The following MPP3 variants were observed in gnomAD, a reference collection of about 807,000 sequenced individuals.
MPP3 encodes MAGUK p55 scaffold protein 3, also known as MAGUK p55 subfamily member 3.
MPP3 carries 48 observed loss-of-function variants against 80.7 expected under a neutral mutation model. The observed-to-expected ratio is 0.59, with a 90% CI of 0.47 to 0.76. The LOEUF (loss-of-function observed/expected upper bound fraction) is 0.76, where lower values mean the gene tolerates loss of function less well. Ranked by LOEUF, MPP3 falls within the 30% of genes least tolerant of loss-of-function variation. The pLI, the probability that MPP3 is intolerant of heterozygous loss-of-function variation, is 0.00. For missense variants in MPP3, 620 were observed against 763.0 expected, an observed-to-expected ratio of 0.81 and a Z score of 2.21; for synonymous variants, 311 against 297.6, an observed-to-expected ratio of 1.04 and a Z score of -0.46.
chr17:43,809,125 T>C, intron 18 of MPP3, 47 bp from the exon 19 acceptor site: 1 of 1,540,618 alleles, frequency 6.5e-7, no homozygotes, highest in South Asian at 1.3e-5. Context: ...AAGTGTTTTG[T>C]TGTGAAATAG....
chr17:43,827,611 C>A, intron 8 of MPP3, 140 bp downstream of exon 8: 2 of 740,872 alleles, frequency 2.7e-6, no homozygotes, highest in Non-Finnish European at 4.4e-6. Context: ...AGAATTCCAG[C>A]CACAACCCCA....
chr17:43,801,594 G>A lies in MPP3; in HGVS notation c.*107C>T. ...ACTCTTCTCGATGATGGAATTTGTG[G>A]AGAATTCTCTCCCTCTCTGCGCTTG... On this transcript the variant is annotated 3_prime_UTR_variant, in exon 20 of 20. Transcript: ENST00000398389. The A allele has an allele frequency of 9.0e-7, 1 of 1,106,458 alleles. No individual in the cohort carries two copies. Among genetic ancestry groups the A allele is most frequent in the Non-Finnish European group, 1.3e-6 (1 of 751,144 alleles). 68.5% of individuals were successfully genotyped at this position (1,106,458 alleles called of 1,614,324 possible).
At chr17:43,808,375 C>A (rs2044709290) in intron 19 of MPP3, among the ~76,000 whole-genome samples, 1 of 152,210 alleles carries the variant, frequency 6.6e-6, no homozygotes, top group Non-Finnish European at 1.5e-5. Context: ...CAAGCCCACA[C>A]CTCCTGGAAG....
At chr17:43,815,700 C>T (rs994277236) in intron 14 of MPP3, 5 of 489,984 alleles carry the variant, frequency 1.0e-5, no homozygotes, top group South Asian at 1.9e-5. Context: ...TCTGGAGAGC[C>T]GCAAACACCC....
In MPP3 at chr17:43,827,744, C is replaced by T. The variant is rs765278886; in HGVS notation, c.523+7G>A. The T allele has an allele frequency of 4.3e-6, 7 of 1,610,116 alleles. No individual in the cohort carries two copies. In the East Asian group the frequency reaches 1.6e-4, roughly 36 times the overall value. On this transcript the variant is annotated splice_region_variant and intron_variant, in intron 8 of 19. Coordinates refer to ENST00000398389, the MANE Select transcript of MPP3 (RefSeq NM_001932.6). ...GGCTGGGCCAGCTTTGCACTGCCGC[C>T]ACTCACCGCTCCTGTCTGCTGCGCC...
At chr17:43,809,284 G>T (rs1221480751) in intron 18 of MPP3, among the ~76,000 whole-genome samples, 1 of 152,114 alleles carries the variant, frequency 6.6e-6, no homozygotes, top group East Asian at 1.9e-4. Flanking sequence ...ACTCAGCGGG[G>T]CCCTGAAGTC....
At chr17:43,829,232 C>T (rs916061900) in intron 7 of MPP3, among the ~76,000 whole-genome samples, 2 of 152,234 alleles carry the variant, frequency 1.3e-5, no homozygotes, top group African/African-American at 4.8e-5. Flanking sequence ...GCCAGCCACA[C>T]AGTCTCTGTC....
In MPP3 at chr17:43,820,639, C is replaced by CAT. The variant is rs1555587157; in HGVS notation, c.881+221_881+222dup. ...ACACACACACACACACACACACACA[C>CAT]ATTAACTTAATAACATAAATTTCCA... On this transcript the variant is annotated intron_variant, in intron 11 of 19. Transcript: ENST00000398389. 5.7e-3 allele frequency among the ~76,000 whole-genome samples: 832 copies of CAT among 144,908 alleles called. 11 individuals carry two copies. Among genetic ancestry groups the CAT allele is most frequent in the South Asian group, 7.2e-3 (33 of 4,562 alleles).
intron 11 of MPP3, among the ~76,000 whole-genome samples, chr17:43,820,501 A>C (rs1371176548): frequency 1.3e-5 from 2 of 151,096 alleles, no homozygotes; most frequent in East Asian, 3.9e-4. Flanking sequence ...CTGAGGCGGG[A>C]GAATTGCTTG....
At position 43,831,918 on chromosome 17, in the gene MPP3, C is replaced by T; in HGVS notation, c.-12G>A. 2 of 1,612,562 alleles carry T rather than the reference C, an allele frequency of 1.2e-6. No individual in the cohort carries two copies. The highest frequency in any genetic ancestry group is 2.2e-5 in the South Asian group (2 of 90,892). ...GATAGCACTGGCATGCTGGCGTTGTCACCTCCCGACCTCTCCCTGCAGATT... is the reference window on the plus strand; with the variant it reads ...GATAGCACTGGCATGCTGGCGTTGTTACCTCCCGACCTCTCCCTGCAGATT... On this transcript the variant is annotated 5_prime_UTR_variant, in exon 3 of 20. Transcript: ENST00000398389.
chr17:43,815,229 G>A (rs1159808985), intron 14 of MPP3, among the ~76,000 whole-genome samples: 3 of 152,116 alleles, frequency 2.0e-5, no homozygotes, highest in Non-Finnish European at 4.4e-5. Flanking sequence ...CTACTAGGGA[G>A]GCTGAGAGGG....
At chr17:43,830,309 C>T (rs2045905841) in intron 5 of MPP3, among the ~76,000 whole-genome samples, 1 of 152,206 alleles carries the variant, frequency 6.6e-6, no homozygotes, top group Non-Finnish European at 1.5e-5. Context: ...AAGGAGCCAC[C>T]GTTTTAAGCC....
At chr17:43,819,019 G>A (rs1278344441) in intron 11 of MPP3, 1 of 152,146 alleles carries the variant, frequency 6.6e-6, no homozygotes, top group Non-Finnish European at 1.5e-5. Flanking sequence ...CTAAAATGGA[G>A]ATGGGTCTGG....
chr17:43,807,703 C>T (rs1301823821), intron 19 of MPP3, among the ~76,000 whole-genome samples: 1 of 152,142 alleles, frequency 6.6e-6, no homozygotes. Flanking sequence ...CACCTGTAAT[C>T]CCAACACTTT....
chr17:43,825,918 G>A, intron 8 of MPP3, 77 bp from the exon 9 acceptor site: 1 of 933,394 alleles, frequency 1.1e-6, no homozygotes, highest in East Asian at 2.5e-5. Context: ...AAGCACCACA[G>A]GGGCCGGCCT....
intron 14 of MPP3, chr17:43,814,648 G>A: frequency 3.2e-6 from 1 of 311,448 alleles, no homozygotes; most frequent in Non-Finnish European, 5.9e-6. Context: ...CCTTACCTGT[G>A]AAATGAAGAT....
intron 11 of MPP3, 31 bp downstream of exon 11, chr17:43,820,831 A>G (rs1218662046): frequency 1.2e-6 from 2 of 1,608,704 alleles, no homozygotes; most frequent in African/African-American, 2.7e-5. Context: ...CCACTCTGGA[A>G]CCAGCCCTTC....
At chr17:43,815,941 C>T in intron 14 of MPP3, 97 bp downstream of exon 14, 2 of 1,140,194 alleles carry the variant, frequency 1.8e-6, no homozygotes, top group Non-Finnish European at 2.4e-6. Context: ...TCCAGAAGGA[C>T]TCCTGGGGCT....
Position 43,816,045 on chromosome 17 carries a change from G to A in MPP3, c.1002C>T (p.His334=), listed in dbSNP as rs781111995. 1.3e-6 allele frequency: 2 copies of A among 1,504,134 alleles called. No homozygotes were observed. Among genetic ancestry groups the A allele is most frequent in the African/African-American group, 1.4e-5 (1 of 69,504 alleles). The allele number at this position is 1,504,134 out of a possible 1,614,324, so 93.2% of individuals were successfully genotyped here. ...TCAGGGGGAGCTACTTACCCACATA[G>A]TGCCCTTTGAGGTAGCCCTCACAGT... ...TCDCEGYLKG[H]YVAGLRRSFR... Residue 334 remains histidine (H), a synonymous_variant, in exon 14 of 20, where the codon CAC becomes CAT. Transcript: ENST00000398389.
Sources: allele counts gnomAD v4.1 joint callset (sites outside exome capture counted in the v4.1 genomes callset), GRCh38; gene constraint gnomAD v4.1.1; transcripts MANE v1.5; gene names NCBI Gene and HGNC (gene_info 2026-07-23, HGNC 2026-07-21).